Variants in ASIC2 observed in about 807,000 individuals in gnomAD.
ASIC2 encodes the protein acid sensing ion channel subunit 2.
A neutral mutation model predicts 57.3 loss-of-function variants in ASIC2; 25 were observed. That is an observed-to-expected ratio of 0.44 (90% CI 0.32 to 0.61). The LOEUF (loss-of-function observed/expected upper bound fraction) is 0.61, where lower values mean the gene tolerates loss of function less well. Among genes scored for constraint, ASIC2 ranks in the 20% least tolerant of loss-of-function variants. ASIC2 has a pLI of 0.06. For synonymous variants in ASIC2, 319 were observed against 307.5 expected (o/e 1.04, Z -0.39); for missense variants, 641 against 738.1 (o/e 0.87, Z 1.52).
At chr17:33,248,517 C>A (rs1403328774) in intron 1 of ASIC2, among the ~76,000 whole-genome samples, 1 of 152,174 alleles carries the variant, frequency 6.6e-6, no homozygotes, top group East Asian at 1.9e-4. Flanking sequence ...TTACTATAAA[C>A]TGGATGGCTG....
chr17:33,364,437 C>A (rs1205088548), intron 1 of ASIC2, among the ~76,000 whole-genome samples: 1 of 152,182 alleles, frequency 6.6e-6, no homozygotes, highest in Non-Finnish European at 1.5e-5. Flanking sequence ...GCATCCCCAA[C>A]CAAATCTCAT....
intron 1 of ASIC2, among the ~76,000 whole-genome samples, chr17:33,686,278 T>C (rs952770298): frequency 2.0e-5 from 3 of 152,078 alleles, no homozygotes; most frequent in Non-Finnish European, 2.9e-5. Context: ...TCACACTGTA[T>C]TGGGGGCTGC....
At chr17:33,959,020 T>G (rs901076796) in intron 1 of ASIC2, among the ~76,000 whole-genome samples, 3 of 151,964 alleles carry the variant, frequency 2.0e-5, no homozygotes, top group Non-Finnish European at 4.4e-5. Flanking sequence ...ATAACAAGAG[T>G]GACCTTGGCT....
upstream of ASIC2, among the ~76,000 whole-genome samples, chr17:33,297,230 G>A (rs1326703901): frequency 6.6e-6 from 1 of 152,210 alleles, no homozygotes; most frequent in African/African-American, 2.4e-5. Flanking sequence ...TGTTTCTCCT[G>A]TAGTTTTTGC....
chr17:33,511,367 A>G (rs898486901), intron 1 of ASIC2, among the ~76,000 whole-genome samples: 1 of 152,142 alleles, frequency 6.6e-6, no homozygotes, highest in African/African-American at 2.4e-5. Context: ...ACTCCTTTGG[A>G]TAATGGCTGC....
intron 1 of ASIC2, among the ~76,000 whole-genome samples, chr17:34,141,464 G>C (rs1191763812): frequency 6.6e-6 from 1 of 152,108 alleles, no homozygotes; most frequent in Non-Finnish European, 1.5e-5. Flanking sequence ...TGTTACCTCT[G>C]GACCTTGGGC....
chr17:33,180,881 C>G lies in ASIC2; in HGVS notation c.709-68814G>C, dbSNP rs147379641. On this transcript the variant is annotated intron_variant, in intron 1 of 9. Transcript: ENST00000225823. ...AAGGTGGTGGCCCTACCAAGCAAGT[C>G]TGGTTGGTTCAATGCTCTGCTCCTT... is the stretch of plus-strand genomic sequence containing the variant. Among the ~76,000 whole-genome samples the G allele has an allele frequency of 2.0e-5, 3 of 152,200 alleles. No individual in the cohort carries two copies. In the East Asian group the frequency reaches 5.8e-4, roughly 29 times the overall value.
At chr17:33,429,611 C>T (rs553101341) in intron 1 of ASIC2, among the ~76,000 whole-genome samples, 109 of 152,130 alleles carry the variant, frequency 7.2e-4, no homozygotes, top group African/African-American at 2.5e-3. Context: ...AGGATGGTCT[C>T]GATCTCCTGA....
chr17:33,447,280 A>G (rs1912061001), intron 1 of ASIC2, among the ~76,000 whole-genome samples: 1 of 131,682 alleles, frequency 7.6e-6, no homozygotes. Context: ...TCTGAAGAAA[A>G]GCAGAGCCAG....
At chr17:33,725,160 C>T (rs1470390951) in intron 1 of ASIC2, among the ~76,000 whole-genome samples, 1 of 152,254 alleles carries the variant, frequency 6.6e-6, no homozygotes, top group Non-Finnish European at 1.5e-5. Flanking sequence ...CCCACAGCCT[C>T]TCACTGGGGG....
At chr17:33,188,059 A>G (rs1906272586) in intron 1 of ASIC2, among the ~76,000 whole-genome samples, 1 of 152,122 alleles carries the variant, frequency 6.6e-6, no homozygotes, top group South Asian at 2.1e-4. Flanking sequence ...AGCTGCTATA[A>G]TCATATATTA....
At chr17:33,870,809 T>C (rs1914384531) in intron 1 of ASIC2, among the ~76,000 whole-genome samples, 1 of 152,232 alleles carries the variant, frequency 6.6e-6, no homozygotes, top group Admixed American at 6.5e-5. Flanking sequence ...TTACAAGGGT[T>C]AAATTAATTA....
chr17:33,540,302 G>A (rs149368583), intron 1 of ASIC2, among the ~76,000 whole-genome samples: 1 of 152,072 alleles, frequency 6.6e-6, no homozygotes, highest in Non-Finnish European at 1.5e-5. Flanking sequence ...TATTGAATTA[G>A]GATTCACTCT....
At chr17:33,473,139 C>G (rs955532398) in intron 1 of ASIC2, among the ~76,000 whole-genome samples, 3 of 152,194 alleles carry the variant, frequency 2.0e-5, no homozygotes, top group African/African-American at 7.2e-5. Flanking sequence ...GAAAAAGAGG[C>G]TAATTTCTTG....
rs756841726 is a variant in ASIC2 at position 33,015,982 on chromosome 17, C to T, written c.1579G>A (p.Asp527Asn). 1.6e-5 allele frequency: 26 copies of T among 1,614,010 alleles called. No homozygotes were observed. Among genetic ancestry groups the T allele is most frequent in the Non-Finnish European group, 2.0e-5 (24 of 1,179,998 alleles). Residue 527 changes from aspartate (D) to asparagine (N), a missense_variant, in exon 9 of 10, where the codon GAT becomes AAT. Asp to Asn is a conservative substitution (Grantham distance 23). Transcript: ENST00000225823. ...LGKEEDEGSH[D>N]ENVSTCDTMP... ...TGAGCTGCTCTTACCACATTCTCAT[C>T]GTGGCTCCCTTCGTCCTCCTCTTTG...
chr17:33,905,887 G>A (rs1459905534), intron 1 of ASIC2, among the ~76,000 whole-genome samples: 2 of 151,976 alleles, frequency 1.3e-5, no homozygotes, highest in Non-Finnish European at 2.9e-5. Flanking sequence ...GCATAATCTC[G>A]CCTCACTGCA....
intron 1 of ASIC2, among the ~76,000 whole-genome samples, chr17:33,484,118 C>T (rs1330963367): frequency 6.6e-6 from 1 of 152,118 alleles, no homozygotes; most frequent in Non-Finnish European, 1.5e-5. Context: ...TAACTTTAGC[C>T]CAGTTAATCT....
chr17:33,972,771 C>T (rs963799359), intron 1 of ASIC2, among the ~76,000 whole-genome samples: 2 of 152,302 alleles, frequency 1.3e-5, no homozygotes, highest in East Asian at 1.9e-4. Flanking sequence ...GAAGAATAAG[C>T]GTGTTAACAC....
chr17:33,420,282 A>C (rs1215349259), intron 1 of ASIC2, among the ~76,000 whole-genome samples: 1 of 152,226 alleles, frequency 6.6e-6, no homozygotes, highest in Non-Finnish European at 1.5e-5. Flanking sequence ...CAGGAAATGT[A>C]CTGTCCAGAT....
Sources: gnomAD v4.1 joint callset for allele counts (sites outside exome capture counted in the v4.1 genomes callset) on GRCh38, gnomAD v4.1.1 for gene constraint, MANE v1.5 for transcripts, NCBI Gene and HGNC (gene_info 2026-07-23, HGNC 2026-07-21) for gene names.